RPS6KB1: variants seen among roughly 807,000 people sequenced by gnomAD.
RPS6KB1 encodes the protein ribosomal protein S6 kinase B1, also known as ribosomal protein S6 kinase beta-1.
Under a neutral mutation model 70.2 loss-of-function variants are expected in RPS6KB1, and 12 were observed. That is an observed-to-expected ratio of 0.17 (90% CI 0.11 to 0.28). The LOEUF (loss-of-function observed/expected upper bound fraction) is 0.28, where lower values mean the gene tolerates loss of function less well. Among genes scored for constraint, RPS6KB1 ranks in the 10% least tolerant of loss-of-function variants. The pLI is 1.00. For synonymous variants in RPS6KB1, 175 were observed against 211.2 expected (o/e 0.83, Z 1.49); for missense variants, 270 against 646.6 (o/e 0.42, Z 6.32).
intron 12 of RPS6KB1, among the ~76,000 whole-genome samples, chr17:59,940,343 G>C (rs2044504912): frequency 7.0e-6 from 1 of 142,022 alleles, no homozygotes; most frequent in Non-Finnish European, 1.5e-5. Flanking sequence ...CTGGTGTGCA[G>C]TGGCACGATC....
chr17:59,916,180 A>G (rs1218268115), intron 4 of RPS6KB1, among the ~76,000 whole-genome samples: 1 of 151,858 alleles, frequency 6.6e-6, no homozygotes, highest in Non-Finnish European at 1.5e-5. Flanking sequence ...AGCTCACTGC[A>G]ACCTCCACCT....
intron 13 of RPS6KB1, among the ~76,000 whole-genome samples, chr17:59,943,726 A>G (rs896453518): frequency 6.6e-6 from 1 of 151,622 alleles, no homozygotes. Context: ...AAAATACAAA[A>G]ATTAGCCAGG....
chr17:59,911,548 T>TTTTTTG (rs1434219419), intron 2 of RPS6KB1, among the ~76,000 whole-genome samples: 1 of 141,750 alleles, frequency 7.1e-6, no homozygotes, highest in African/African-American at 2.6e-5. Flanking sequence ...GTTTTTTTTT[T>TTTTTTG]TTTTTTTTTT....
intron 4 of RPS6KB1, among the ~76,000 whole-genome samples, chr17:59,924,214 A>G (rs1949534179): frequency 6.6e-6 from 1 of 152,128 alleles, no homozygotes; most frequent in South Asian, 2.1e-4. Context: ...CTGTAGTCCC[A>G]GCTACTTGGG....
Position 59,945,435 on chromosome 17 carries a change from T to A in RPS6KB1, c.1257T>A (p.Leu419=). The change falls in exon 14 of 15, where the codon CTT becomes CTA. Residue 419 remains leucine, a synonymous_variant. Coordinates refer to ENST00000225577, the MANE Select transcript of RPS6KB1 (RefSeq NM_003161.4). ...TTACATATGTGGCTCCATCTGTACT[T>A]GAAAGTGTGAAAGAAAAGTTTTCCT... is the stretch of plus-strand genomic sequence containing the variant. The part of the protein sequence containing the change: ...LGFTYVAPSV[L]ESVKEKFSFE... 1 of 1,610,828 alleles carries A rather than the reference T, an allele frequency of 6.2e-7. No homozygotes were observed. The highest frequency in any genetic ancestry group is 8.5e-7 in the Non-Finnish European group (1 of 1,177,250).
At chr17:59,944,454 G>A (rs1568512654) in intron 13 of RPS6KB1, among the ~76,000 whole-genome samples, 1 of 152,130 alleles carries the variant, frequency 6.6e-6, no homozygotes, top group Non-Finnish European at 1.5e-5. Context: ...GAGATCACAC[G>A]TGCCTATATA....
At chr17:59,930,047 A>G (rs921139332) in intron 5 of RPS6KB1, 70 bp from the exon 6 acceptor site, 11 of 826,316 alleles carry the variant, frequency 1.3e-5, no homozygotes, top group African/African-American at 5.1e-5. Flanking sequence ...GAAAGCACAA[A>G]CTCTCTCATT....
chr17:59,911,341 T>C (rs1025974089), intron 2 of RPS6KB1, among the ~76,000 whole-genome samples: 9 of 152,014 alleles, frequency 5.9e-5, no homozygotes. Flanking sequence ...ACAGAGACAA[T>C]TGCTACCCCT....
At chr17:59,901,302 A>G (rs1427911443) in intron 1 of RPS6KB1, among the ~76,000 whole-genome samples, 4 of 151,220 alleles carry the variant, frequency 2.6e-5, no homozygotes, top group Non-Finnish European at 5.9e-5. Flanking sequence ...GGTGCCCGCC[A>G]CCACGCCCGG....
intron 4 of RPS6KB1, among the ~76,000 whole-genome samples, chr17:59,921,016 C>G (rs1285834831): frequency 1.3e-5 from 2 of 152,204 alleles, no homozygotes; most frequent in Admixed American, 6.5e-5. Flanking sequence ...AGATTCTTAA[C>G]TGATTCATTC....
intron 1 of RPS6KB1, 48 bp from the exon 2 acceptor site, chr17:59,910,514 A>C: frequency 8.2e-7 from 1 of 1,216,546 alleles, no homozygotes; most frequent in Non-Finnish European, 1.2e-6. Context: ...AAACCTTTAA[A>C]TTTTATGTTT....
At chr17:59,927,853 T>G (rs1468558234) in intron 5 of RPS6KB1, among the ~76,000 whole-genome samples, 1 of 151,416 alleles carries the variant, frequency 6.6e-6, no homozygotes, top group African/African-American at 2.4e-5. Context: ...ACAAAAAGTT[T>G]TAAGAGTAGT....
chr17:59,895,318 C>CTTTT (rs71145587), intron 1 of RPS6KB1, among the ~76,000 whole-genome samples: 10 of 106,284 alleles, frequency 9.4e-5, no homozygotes, highest in East Asian at 3.4e-4. Context: ...CTGCGCCTGG[C>CTTTT]TTTTTTTTTT....
chr17:59,920,502 A>G (rs1353010010), intron 4 of RPS6KB1, among the ~76,000 whole-genome samples: 1 of 152,172 alleles, frequency 6.6e-6, no homozygotes, highest in Non-Finnish European at 1.5e-5. Flanking sequence ...TTTATTGGTA[A>G]TTGTCTTTAA....
chr17:59,903,437 T>C (rs1231429087), intron 1 of RPS6KB1, among the ~76,000 whole-genome samples: 1 of 151,940 alleles, frequency 6.6e-6, no homozygotes, highest in Non-Finnish European at 1.5e-5. Context: ...ATCGCACCAC[T>C]GCACTCCAGC....
At chr17:59,926,971 G>A (rs920305167) in intron 5 of RPS6KB1, among the ~76,000 whole-genome samples, 5 of 152,128 alleles carry the variant, frequency 3.3e-5, no homozygotes, top group African/African-American at 9.7e-5. Context: ...TTAGTTTAAT[G>A]TAGCCTTAGT....
In RPS6KB1 at chr17:59,893,419, AG is replaced by A; in HGVS notation, c.141+100del. ...GGTGTGTCCTAGAGCGTGGAGACCC[AG>A]GGGGGCTCCTGAGGAGCTGAGGGTC... On this transcript the variant is annotated intron_variant, in intron 1 of 14. Transcript: ENST00000225577. This position sits in a 1 kb window ranked among gnomAD's most constrained non-coding sequence, Gnocchi z 4.1. 1 of 1,300,418 alleles carries A rather than the reference AG, an allele frequency of 7.7e-7. No individual in the cohort carries two copies. Among genetic ancestry groups the A allele is most frequent in the Non-Finnish European group, 1.1e-6 (1 of 938,542 alleles). The allele number at this position is 1,300,418 out of a possible 1,614,324, so 80.6% of individuals were successfully genotyped here.
At chr17:59,940,690 T>G (rs1369654863) in intron 12 of RPS6KB1, 146 bp from the exon 13 acceptor site, 3 of 454,446 alleles carry the variant, frequency 6.6e-6, no homozygotes, top group African/African-American at 6.1e-5. Context: ...CACCTACATT[T>G]TTTTCTTCAT....
chr17:59,945,658 T>TA (rs1315046847), intron 14 of RPS6KB1, 140 bp downstream of exon 14: 11 of 603,186 alleles, frequency 1.8e-5, no homozygotes, highest in Middle Eastern at 3.4e-4. Flanking sequence ...ATCTATATCT[T>TA]ACATTGCAAA....
Sources: allele counts gnomAD v4.1 joint callset (sites outside exome capture counted in the v4.1 genomes callset), GRCh38; gene constraint gnomAD v4.1.1; non-coding constraint Gnocchi (gnomAD v3.1); transcripts MANE v1.5; gene names NCBI Gene and HGNC (gene_info 2026-07-23, HGNC 2026-07-21).